Variants in SMAD2 observed in about 807,000 individuals in gnomAD.
The protein encoded by SMAD2 is SMAD family member 2.
Under a neutral mutation model 64.4 loss-of-function variants are expected in SMAD2, and 8 were observed. The ratio of observed to expected loss-of-function variants is 0.12; its 90% CI spans 0.07 to 0.22. The LOEUF is 0.22. Among genes scored for constraint, SMAD2 ranks in the 10% least tolerant of loss-of-function variants. The pLI is 1.00. For synonymous variants in SMAD2, 203 were observed against 195.8 expected (o/e 1.04, Z -0.31); for missense variants, 289 against 561.2 (o/e 0.51, Z 4.90).
rs1293658510 is a variant in SMAD2, at chr18:47,868,406, G to T, written c.572C>A (p.Pro191Gln). 6.2e-7 allele frequency: 1 copy of T among 1,610,482 alleles called. No homozygotes were observed. Among genetic ancestry groups the T allele is most frequent in the Non-Finnish European group, 8.5e-7 (1 of 1,177,050 alleles). The change falls in exon 5 of 11, where the codon CCG becomes CAG. Residue 191 changes from proline to glutamine, a missense_variant. By Grantham distance (76) the Pro-to-Gln change is moderately conservative. This residue lies in a region of SMAD2 where 119 missense variants were observed against 156.7 expected (regional missense o/e 0.76). Coordinates refer to ENST00000262160, the MANE Select transcript of SMAD2 (RefSeq NM_005901.6). ...PRHTEILTELPPLDDYTHSIP... is the reference protein window; with the variant it reads ...PRHTEILTELQPLDDYTHSIP... ...GGAGTGAGTATAGTCATCCAGAGGC[G>T]GAAGTTCTGTTAGGATCTCGGTGTG...
At chr18:47,908,263 A>G (rs2033983869) in intron 1 of SMAD2, among the ~76,000 whole-genome samples, 1 of 152,220 alleles carries the variant, frequency 6.6e-6, no homozygotes, top group Non-Finnish European at 1.5e-5. Context: ...AAAAATTGAG[A>G]GCCCAAATGA....
intron 6 of SMAD2, among the ~76,000 whole-genome samples, chr18:47,857,562 T>C (rs1245958767): frequency 6.6e-6 from 1 of 152,206 alleles, no homozygotes; most frequent in African/African-American, 2.4e-5. Flanking sequence ...AAAAATTCTA[T>C]TTTTCTTTAA....
At chr18:47,920,142 G>A (rs1473411208) in intron 1 of SMAD2, 2 of 151,848 alleles carry the variant, frequency 1.3e-5, no homozygotes, top group Non-Finnish European at 2.9e-5. Flanking sequence ...CCTCTTCTGG[G>A]TTGCAGACTG....
intron 8 of SMAD2, 98 bp downstream of exon 8, chr18:47,848,377 G>A: frequency 1.1e-6 from 1 of 928,762 alleles, no homozygotes; most frequent in Admixed American, 1.8e-5. Context: ...GAGAAAGCTG[G>A]TTTTACTGCA....
At chr18:47,923,142 C>T (rs1347991894) in intron 1 of SMAD2, among the ~76,000 whole-genome samples, 6 of 145,656 alleles carry the variant, frequency 4.1e-5, no homozygotes, top group South Asian at 2.2e-4. Flanking sequence ...CTTGTAAACA[C>T]GTAACTTACA....
At position 47,845,524 on chromosome 18, in the gene SMAD2, T is replaced by C. The variant is rs543170666; in HGVS notation, c.1136-40A>G. The C allele has an allele frequency of 3.9e-5, 63 of 1,598,902 alleles. No individual in the cohort carries two copies. In the South Asian group the frequency reaches 6.5e-4, roughly 17 times the overall value. ...GGTAAAAGAAATTGTCAAAAGAGTA[T>C]CATTATTAAAAAGTAATTTTAAAAG... On this transcript the variant is annotated intron_variant, in intron 9 of 10. Transcript: ENST00000262160.
In SMAD2 at chr18:47,815,190, C is replaced by G. The variant is rs927292509; in HGVS notation, c.*26637G>C. Reference sequence around the variant, plus strand: ...TTTATCCAAAGAGATGGTTTTAAGCCTGAGATAGGCTATTTGAATCGAAAG... The same window carrying G: ...TTTATCCAAAGAGATGGTTTTAAGCGTGAGATAGGCTATTTGAATCGAAAG... On this transcript the variant is annotated 3_prime_UTR_variant, in exon 11 of 11. Transcript: ENST00000262160. 6 of 152,182 alleles carry G rather than the reference C, an allele frequency of 3.9e-5. No individual in the cohort carries two copies. Among genetic ancestry groups the G allele is most frequent in the Admixed American group, 1.3e-4 (2 of 15,276 alleles). The allele number at this position is 152,182 out of a possible 1,614,324, so 9.4% of individuals were successfully genotyped here.
chr18:47,834,705 TA>T lies in SMAD2; in HGVS notation c.*7121del, dbSNP rs1280012911. The T allele has an allele frequency of 9.1e-6, 2 of 220,838 alleles. No individual in the cohort carries two copies. The highest frequency in any genetic ancestry group is 4.5e-5 in the African/African-American group (2 of 44,644). The allele number at this position is 220,838 out of a possible 1,614,324, so 13.7% of individuals were successfully genotyped here. A position where few individuals can be genotyped will look rare whatever the true frequency, so the allele number is the denominator to read the frequency against. On this transcript the variant is annotated 3_prime_UTR_variant, in exon 11 of 11. Transcript: ENST00000262160. ...ATCAAGCAAATTAGTGAGCAGTGTA[TA>T]AAAGCTCACTCTTGAAATCTGTTTT... is the stretch of plus-strand genomic sequence containing the variant.
At chr18:47,873,689 AC>A (rs917042391) in intron 2 of SMAD2, among the ~76,000 whole-genome samples, 2 of 152,190 alleles carry the variant, frequency 1.3e-5, no homozygotes, top group African/African-American at 2.4e-5. Context: ...AAAATAATCA[AC>A]TATTTGAAAA....
chr18:47,848,754 G>T (rs1271668946), intron 7 of SMAD2, 67 bp from the exon 8 acceptor site: 6 of 1,112,324 alleles, frequency 5.4e-6, no homozygotes, highest in Non-Finnish European at 6.6e-6. Flanking sequence ...GCCAAAAATA[G>T]ATTTAATATA....
rs541003729 is a variant in SMAD2 at position 47,815,886 on chromosome 18, G to A, written c.*25941C>T. ...TGCCAGAGTTTAAGTTTTCAGAGGA[G>A]GAATAATTGACCTATGTATGAGTTC... On this transcript the variant is annotated 3_prime_UTR_variant, in exon 11 of 11. Transcript: ENST00000262160. 6.6e-6 allele frequency: 1 copy of A among 152,312 alleles called. No individual in the cohort carries two copies. The highest frequency in any genetic ancestry group is 2.4e-5 in the African/African-American group (1 of 41,558). The allele number at this position is 152,312 out of a possible 1,614,324, so 9.4% of individuals were successfully genotyped here.
At chr18:47,867,355 T>C (rs2031637398) in intron 5 of SMAD2, 2 of 152,272 alleles carry the variant, frequency 1.3e-5, no homozygotes, top group Admixed American at 1.3e-4. Context: ...TTTTTCTTCC[T>C]TACATTTAAA....
rs1366861131 is a variant in SMAD2, at chr18:47,828,035, A to C, written c.*13792T>G. 1 of 168,050 alleles carries C rather than the reference A, an allele frequency of 6.0e-6. No individual in the cohort carries two copies. 10.4% of individuals were successfully genotyped at this position (168,050 alleles called of 1,614,324 possible). A position where few individuals can be genotyped will look rare whatever the true frequency, so the allele number is the denominator to read the frequency against. ...GCCGCCCATCGTCTGAGATGTGGGG[A>C]GCGCCTCTGCCCCGCCGCCCCGTCT... On this transcript the variant is annotated 3_prime_UTR_variant, in exon 11 of 11. Coordinates refer to ENST00000262160, the MANE Select transcript of SMAD2 (RefSeq NM_005901.6).
At chr18:47,882,111 T>G (rs937972919) in intron 2 of SMAD2, among the ~76,000 whole-genome samples, 1 of 137,338 alleles carries the variant, frequency 7.3e-6, no homozygotes, top group Non-Finnish European at 1.5e-5. Flanking sequence ...TTCAAACTCC[T>G]TAACTCTCAA....
At position 47,824,956 on chromosome 18, in the gene SMAD2, T is replaced by C. The variant is rs1041629122; in HGVS notation, c.*16871A>G. 2 of 152,236 alleles carry C rather than the reference T, an allele frequency of 1.3e-5. No homozygotes were observed. The highest frequency in any genetic ancestry group is 2.9e-5 in the Non-Finnish European group (2 of 68,048). The allele number at this position is 152,236 out of a possible 1,614,324, so 9.4% of individuals were successfully genotyped here. A position where few individuals can be genotyped will look rare whatever the true frequency, so the allele number is the denominator to read the frequency against. On this transcript the variant is annotated 3_prime_UTR_variant, in exon 11 of 11. Coordinates refer to ENST00000262160, the MANE Select transcript of SMAD2 (RefSeq NM_005901.6). ...TGCTGTGAGTGAAGCTTCAAACATT[T>C]TCCATTGAATATACACAGACATACA...
chr18:47,840,827 GAAGT>G lies in SMAD2; in HGVS notation c.*996_*999del, dbSNP rs1246318958. On this transcript the variant is annotated 3_prime_UTR_variant, in exon 11 of 11. Transcript: ENST00000262160. ...TTTTTTAAAAAGGGATAAATATGTG[GAAGT>G]AATTCTAGCATATCCCTGAAAATAA... 1 of 231,938 alleles carries G rather than the reference GAAGT, an allele frequency of 4.3e-6. No individual in the cohort carries two copies. Among genetic ancestry groups the G allele is most frequent in the Non-Finnish European group, 8.5e-6 (1 of 117,256 alleles). The allele number at this position is 231,938 out of a possible 1,614,324, so 14.4% of individuals were successfully genotyped here.
intron 2 of SMAD2, among the ~76,000 whole-genome samples, chr18:47,872,039 T>C: frequency 6.6e-6 from 1 of 152,214 alleles, no homozygotes; most frequent in East Asian, 1.9e-4. Context: ...GCATGAAGTT[T>C]ACATTGTACT....
chr18:47,919,512 AC>A (rs1568116945), intron 1 of SMAD2, among the ~76,000 whole-genome samples: 26 of 145,316 alleles, frequency 1.8e-4, no homozygotes, highest in Middle Eastern at 3.5e-3. Context: ...ACACACACAC[AC>A]ACACACAAAG....
intron 1 of SMAD2, among the ~76,000 whole-genome samples, chr18:47,916,923 C>CT (rs1231515915): frequency 2.0e-5 from 3 of 152,230 alleles, no homozygotes; most frequent in Admixed American, 2.0e-4. Context: ...TTTTTCTCCT[C>CT]TATCAGTCTT....
Sources: allele counts gnomAD v4.1 joint callset (sites outside exome capture counted in the v4.1 genomes callset), GRCh38; gene constraint gnomAD v4.1.1; regional missense constraint gnomAD v4.1.1; transcripts MANE v1.5; gene names NCBI Gene and HGNC (gene_info 2026-07-23, HGNC 2026-07-21).